Variants in DKK2 observed in about 807,000 individuals in gnomAD.
DKK2 encodes dickkopf Wnt signaling pathway inhibitor 2.
DKK2 carries 11 observed loss-of-function variants against 28.1 expected under a neutral mutation model. The ratio of observed to expected loss-of-function variants is 0.39; its 90% confidence interval spans 0.25 to 0.65. The LOEUF (loss-of-function observed/expected upper bound fraction) is 0.65. Among genes scored for constraint, DKK2 ranks in the 30% least tolerant of loss-of-function variants. The pLI is 0.47. For missense variants in DKK2, 326 were observed against 335.5 expected (o/e 0.97, Z 0.22); for synonymous variants, 135 against 126.5 (o/e 1.07, Z -0.45).
Position 107,031,186 on chromosome 4 carries a change from T to G in DKK2, c.222+4184A>C, listed in dbSNP as rs189241727. Among the ~76,000 whole-genome samples the G allele has an allele frequency of 5.6e-3, 851 of 152,104 alleles. 6 individuals are homozygous for G. Among genetic ancestry groups the G allele is most frequent in the Non-Finnish European group, 6.9e-3 (470 of 67,824 alleles). ...TTTCAAATTCCTTTATTTTTTAAAA[T>G]TTAATCGTAAAAATGATTTGCTTTC... On this transcript the variant is annotated intron_variant, in intron 1 of 3. Coordinates refer to ENST00000285311, the MANE Select transcript of DKK2 (RefSeq NM_014421.3).
At chr4:106,928,459 T>C (rs1486492385) in intron 1 of DKK2, among the ~76,000 whole-genome samples, 1 of 152,152 alleles carries the variant, frequency 6.6e-6, no homozygotes, top group Non-Finnish European at 1.5e-5. Context: ...CTTTGGAAAT[T>C]TTAAAAATAA....
intron 1 of DKK2, among the ~76,000 whole-genome samples, chr4:106,969,352 A>C (rs1399543822): frequency 6.6e-6 from 1 of 150,678 alleles, no homozygotes; most frequent in Admixed American, 6.6e-5. Context: ...ATTCATGACT[A>C]TTTTTCTGGG....
chr4:106,951,329 T>C (rs1244883394), intron 1 of DKK2, among the ~76,000 whole-genome samples: 1 of 152,084 alleles, frequency 6.6e-6, no homozygotes, highest in Non-Finnish European at 1.5e-5. Context: ...AATCCCACTA[T>C]TGGGTATTTA....
intron 1 of DKK2, among the ~76,000 whole-genome samples, chr4:106,975,980 C>T (rs1231817386): frequency 6.6e-6 from 1 of 152,082 alleles, no homozygotes; most frequent in African/African-American, 2.4e-5. Context: ...TTTATTTCTG[C>T]CTTAATTTTG....
intron 1 of DKK2, among the ~76,000 whole-genome samples, chr4:106,941,219 T>G (rs1167745394): frequency 6.6e-6 from 1 of 152,102 alleles, no homozygotes; most frequent in Non-Finnish European, 1.5e-5. Context: ...CCTTTGCCAT[T>G]TGAAGAAAAT....
At chr4:106,998,919 C>T (rs1035176800) in intron 1 of DKK2, among the ~76,000 whole-genome samples, 4 of 151,970 alleles carry the variant, frequency 2.6e-5, no homozygotes, top group African/African-American at 7.3e-5. Flanking sequence ...GAATACTATG[C>T]GATAATTTGT....
chr4:107,027,727 T>C (rs1223478161), intron 1 of DKK2, among the ~76,000 whole-genome samples: 1 of 151,848 alleles, frequency 6.6e-6, no homozygotes, highest in African/African-American at 2.4e-5. Context: ...CAACTAATAT[T>C]GACTTGCTTA....
At chr4:106,960,748 A>G (rs1352975281) in intron 1 of DKK2, among the ~76,000 whole-genome samples, 1 of 152,126 alleles carries the variant, frequency 6.6e-6, no homozygotes, top group South Asian at 2.1e-4. Context: ...CCTTGCATTC[A>G]TTATAACTTA....
intron 1 of DKK2, among the ~76,000 whole-genome samples, chr4:106,932,336 ACT>A (rs139175755): frequency 0.025 from 3,789 of 152,170 alleles, 63 homozygotes; most frequent in Non-Finnish European, 0.036. Context: ...AGAAACAGTA[ACT>A]CTATCAAATG....
intron 1 of DKK2, among the ~76,000 whole-genome samples, chr4:107,014,154 T>G (rs1283167204): frequency 1.3e-5 from 2 of 151,294 alleles, no homozygotes; most frequent in African/African-American, 4.8e-5. Context: ...CCAAAAGAAC[T>G]GAAATCCACA....
chr4:107,000,419 T>C (rs1268480587), intron 1 of DKK2, among the ~76,000 whole-genome samples: 1 of 152,218 alleles, frequency 6.6e-6, no homozygotes, highest in East Asian at 1.9e-4. Flanking sequence ...TCATCAGTTT[T>C]GTAACTCTAG....
intron 1 of DKK2, among the ~76,000 whole-genome samples, chr4:106,937,090 T>C (rs1160639990): frequency 1.3e-5 from 2 of 151,988 alleles, no homozygotes; most frequent in African/African-American, 2.4e-5. Flanking sequence ...AACATCATAA[T>C]GACCGGATCA....
intron 1 of DKK2, among the ~76,000 whole-genome samples, chr4:106,973,325 A>G (rs534068957): frequency 2.6e-5 from 4 of 152,300 alleles, no homozygotes; most frequent in African/African-American, 4.8e-5. Context: ...GTCTTCCACA[A>G]TGGTTGAACT....
At chr4:106,926,293 T>C (rs1179623418) in intron 1 of DKK2, among the ~76,000 whole-genome samples, 1 of 152,132 alleles carries the variant, frequency 6.6e-6, no homozygotes, top group Non-Finnish European at 1.5e-5. Context: ...GATGCTATTG[T>C]AAGGTAAAAA....
At position 106,940,191 on chromosome 4, in the gene DKK2, A is replaced by T. The variant is rs551368323; in HGVS notation, c.223-14242T>A. Among the ~76,000 whole-genome samples the T allele has an allele frequency of 1.2e-3, 182 of 152,326 alleles. 1 individual carries two copies. The highest frequency in any genetic ancestry group is 4.1e-3 in the African/African-American group (171 of 41,566). On this transcript the variant is annotated intron_variant, in intron 1 of 3. Coordinates refer to ENST00000285311, the MANE Select transcript of DKK2 (RefSeq NM_014421.3). Reference sequence around the variant, plus strand: ...ACAGGCAACCTGCAAAATGGGAGAAAATTTTCGCAACCTACTCATCTGACA... The same window carrying T: ...ACAGGCAACCTGCAAAATGGGAGAATATTTTCGCAACCTACTCATCTGACA...
intron 1 of DKK2, among the ~76,000 whole-genome samples, chr4:107,006,374 T>C (rs571425408): frequency 2.4e-4 from 36 of 152,254 alleles, no homozygotes; most frequent in Non-Finnish European, 4.6e-4. Context: ...CATTTTTCTA[T>C]AAACCTAACT....
chr4:106,931,256 G>C (rs1362346735), intron 1 of DKK2, among the ~76,000 whole-genome samples: 1 of 152,076 alleles, frequency 6.6e-6, no homozygotes, highest in Admixed American at 6.6e-5. Context: ...GATATTACAT[G>C]ATGTCCTGCA....
chr4:106,952,426 AC>A (rs1722475283), intron 1 of DKK2, among the ~76,000 whole-genome samples: 1 of 152,168 alleles, frequency 6.6e-6, no homozygotes, highest in Non-Finnish European at 1.5e-5. Flanking sequence ...GTATAGCAGA[AC>A]TTTCTTAAGC....
At chr4:106,956,212 CT>C (rs1722587791) in intron 1 of DKK2, among the ~76,000 whole-genome samples, 1 of 152,156 alleles carries the variant, frequency 6.6e-6, no homozygotes, top group South Asian at 2.1e-4. Context: ...TGAAGGACCC[CT>C]TCAAGGAGAA....
Sources: allele counts gnomAD v4.1 joint callset (sites outside exome capture counted in the v4.1 genomes callset), GRCh38; gene constraint gnomAD v4.1.1; transcripts MANE v1.5; gene names NCBI Gene and HGNC (gene_info 2026-07-23, HGNC 2026-07-21).